AAK1: variants seen among roughly 807,000 people sequenced by gnomAD.
AAK1 encodes the protein AP2 associated kinase 1, also known as AP2-associated protein kinase 1.
In AAK1, 37 loss-of-function variants were observed where a neutral mutation model predicts 116.0. That is an observed-to-expected ratio of 0.32 (90% CI 0.25 to 0.42). The LOEUF is 0.42. Among genes scored for constraint, AAK1 ranks in the 10% least tolerant of loss-of-function variants. The pLI, the probability that AAK1 is intolerant of heterozygous loss-of-function variation, is 1.00. For missense variants in AAK1, 919 were observed against 1,170.6 expected, an observed-to-expected ratio of 0.79 and a Z score of 3.14; for synonymous variants, 458 against 439.9, an observed-to-expected ratio of 1.04 and a Z score of -0.51.
chr2:69,519,368 A>G lies in AAK1; in HGVS notation c.1211-128T>C, dbSNP rs532844045. The G allele has an allele frequency of 4.3e-5, 55 of 1,293,104 alleles. 1 individual carries two copies. In the South Asian group the frequency reaches 8.9e-4, roughly 21 times the overall value. The allele number at this position is 1,293,104 out of a possible 1,614,324, so 80.1% of individuals were successfully genotyped here. A position where few individuals can be genotyped will look rare whatever the true frequency, so the allele number is the denominator to read the frequency against. ...GTATCTCAAGATTCGTGTCCTCCTCACTGTCTTTCCACATGCTCTGTCCCA... is the reference window on the plus strand; with the variant it reads ...GTATCTCAAGATTCGTGTCCTCCTCGCTGTCTTTCCACATGCTCTGTCCCA... On this transcript the variant is annotated intron_variant, in intron 11 of 21. Transcript: ENST00000409085.
At chr2:69,573,525 T>C (rs926180374) in intron 2 of AAK1, among the ~76,000 whole-genome samples, 3 of 152,168 alleles carry the variant, frequency 2.0e-5, no homozygotes, top group African/African-American at 7.2e-5. Flanking sequence ...ATCCATAAGC[T>C]GCATCGGCAA....
At chr2:69,634,108 T>G (rs1675342759) in intron 2 of AAK1, among the ~76,000 whole-genome samples, 2 of 152,202 alleles carry the variant, frequency 1.3e-5, no homozygotes, top group African/African-American at 4.8e-5. Flanking sequence ...AGGCAGAGGT[T>G]GCAGTGAGCC....
chr2:69,566,147 A>G (rs1671857122), intron 2 of AAK1, among the ~76,000 whole-genome samples: 1 of 152,188 alleles, frequency 6.6e-6, no homozygotes, highest in African/African-American at 2.4e-5. Context: ...ACAAGGAATG[A>G]CCCCCAAGAG....
At chr2:69,613,272 C>G (rs1044210096) in intron 2 of AAK1, among the ~76,000 whole-genome samples, 1 of 152,180 alleles carries the variant, frequency 6.6e-6, no homozygotes, top group African/African-American at 2.4e-5. Flanking sequence ...TTGGTCGTTG[C>G]CCCTGATTCC....
At chr2:69,627,357 A>C (rs1205148045) in intron 2 of AAK1, among the ~76,000 whole-genome samples, 4 of 152,052 alleles carry the variant, frequency 2.6e-5, no homozygotes, top group Non-Finnish European at 4.4e-5. Flanking sequence ...GGGAGTGATA[A>C]ATAAATAATA....
At chr2:69,480,712 C>T (rs2104893564) in intron 19 of AAK1, 148 bp downstream of exon 19, 2 of 583,920 alleles carry the variant, frequency 3.4e-6, no homozygotes, top group Non-Finnish European at 2.9e-6. Flanking sequence ...ATCTAGAAGC[C>T]GGGGCTGTGA....
intron 4 of AAK1, among the ~76,000 whole-genome samples, chr2:69,543,760 A>G (rs1042005269): frequency 4.6e-5 from 7 of 152,236 alleles, no homozygotes; most frequent in Non-Finnish European, 8.8e-5. Context: ...GGGTGATTAC[A>G]AAACACAGCA....
chr2:69,487,853 G>A (rs1254464414), intron 17 of AAK1, among the ~76,000 whole-genome samples: 3 of 148,526 alleles, frequency 2.0e-5, no homozygotes, highest in African/African-American at 7.4e-5. Flanking sequence ...GCAATGGCGC[G>A]ATCTCAGCTC....
In AAK1 at chr2:69,601,050, G is replaced by C. The variant is rs192694201; in HGVS notation, c.163+41828C>G. 3.9e-5 allele frequency among the ~76,000 whole-genome samples: 6 copies of C among 152,286 alleles called. No individual in the cohort carries two copies. The East Asian group carries it at 5.8e-4, about 15-fold the overall frequency. On this transcript the variant is annotated intron_variant, in intron 2 of 21. Coordinates refer to ENST00000409085, the MANE Select transcript of AAK1 (RefSeq NM_014911.5). The stretch of plus-strand genomic sequence containing the variant: ...GTACATTTTTTAGACTTAACACTTA[G>C]TAGGCTTAAAACACTTAGTAGACTA...
chr2:69,481,046 CTTT>C, intron 18 of AAK1, 85 bp from the exon 19 acceptor site: 1 of 1,150,500 alleles, frequency 8.7e-7, no homozygotes. Flanking sequence ...AAGCTTTCTT[CTTT>C]TTTTTTAATT....
chr2:69,625,132 G>A (rs767205546), intron 2 of AAK1, among the ~76,000 whole-genome samples: 3 of 152,154 alleles, frequency 2.0e-5, no homozygotes, highest in Non-Finnish European at 4.4e-5. Flanking sequence ...TAAAACCCAC[G>A]TATCTTGATC....
rs961726661 is a variant in AAK1, at chr2:69,472,823, G to T, written c.*3046C>A. The T allele has an allele frequency of 3.0e-6, 3 of 985,472 alleles. No homozygotes were observed. Among genetic ancestry groups the T allele is most frequent in the African/African-American group, 1.7e-5 (1 of 57,236 alleles). 61.0% of individuals were successfully genotyped at this position (985,472 alleles called of 1,614,324 possible). On this transcript the variant is annotated 3_prime_UTR_variant, in exon 22 of 22. Transcript: ENST00000409085. ...TTCTGATACCATTTTATTAGAATAG[G>T]TAGGTGTGTGTCCACGCATGTGTTT...
chr2:69,504,397 C>CAAA lies in AAK1; in HGVS notation c.2269+1169_2269+1171dup, dbSNP rs57214954. Reference sequence around the variant, plus strand: ...TGGGCGACAGAATGAGACTCCATCTCAAAAAAAAAAAAAAAAAAAAAAAGA... The same window carrying CAAA: ...TGGGCGACAGAATGAGACTCCATCTCAAAAAAAAAAAAAAAAAAAAAAAAAAGA... On this transcript the variant is annotated intron_variant, in intron 16 of 21. Transcript: ENST00000409085. Among the ~76,000 whole-genome samples, 276 of 57,762 alleles carry CAAA rather than the reference C, an allele frequency of 4.8e-3. 7 individuals carry two copies. The highest frequency in any genetic ancestry group is 0.018 in the African/African-American group (256 of 14,474). 37.9% of individuals were successfully genotyped at this position (57,762 alleles called of 152,430 possible). A position where few individuals can be genotyped will look rare whatever the true frequency, so the allele number is the denominator to read the frequency against.
intron 2 of AAK1, among the ~76,000 whole-genome samples, chr2:69,560,485 C>T (rs1671587600): frequency 6.6e-6 from 1 of 152,246 alleles, no homozygotes; most frequent in African/African-American, 2.4e-5. Flanking sequence ...CTGTGTCAGT[C>T]TCTCTGCCTA....
intron 17 of AAK1, among the ~76,000 whole-genome samples, chr2:69,483,268 T>C (rs2104899664): frequency 6.6e-6 from 1 of 152,358 alleles, no homozygotes; most frequent in Middle Eastern, 3.4e-3. Flanking sequence ...AGATCTGCTT[T>C]CTGTCCCTAC....
At position 69,495,914 on chromosome 2, in the gene AAK1, G is replaced by A; in HGVS notation, c.2365+71C>T. On this transcript the variant is annotated intron_variant, in intron 17 of 21. Transcript: ENST00000409085. ...AGATCCTTTTCACGGGGTATTTAAG[G>A]CAGAACTTTCTACAAGGCCTGGGAC... 3.1e-6 allele frequency: 4 copies of A among 1,283,424 alleles called. No individual in the cohort carries two copies. The South Asian group carries it at 4.2e-5, about 13-fold the overall frequency. The allele number at this position is 1,283,424 out of a possible 1,614,324, so 79.5% of individuals were successfully genotyped here.
Position 69,608,270 on chromosome 2 carries a change from C to T in AAK1, c.163+34608G>A, listed in dbSNP as rs138593509. Among the ~76,000 whole-genome samples, 1,116 of 152,338 alleles carry T rather than the reference C, an allele frequency of 7.3e-3. 7 individuals are homozygous for T. Among genetic ancestry groups the T allele is most frequent in the South Asian group, 0.026 (124 of 4,828 alleles). On this transcript the variant is annotated intron_variant, in intron 2 of 21. Transcript: ENST00000409085. ...AGAGCCTTGAGCAGACATTCACCCA[C>T]CCAGCTCCCTGCCCAGGCCAACAGC...
At chr2:69,534,032 C>T (rs889331034) in intron 5 of AAK1, among the ~76,000 whole-genome samples, 6 of 152,074 alleles carry the variant, frequency 3.9e-5, no homozygotes, top group East Asian at 1.9e-4. Flanking sequence ...AACAAAACAA[C>T]GCTAATGTTT....
At chr2:69,507,720 T>C in intron 14 of AAK1, 142 bp from the exon 15 acceptor site, 5 of 931,830 alleles carry the variant, frequency 5.4e-6, no homozygotes, top group Non-Finnish European at 7.7e-6. Flanking sequence ...TTTTTTTTTT[T>C]TTTTGAGTCA....
Sources: allele counts gnomAD v4.1 joint callset (sites outside exome capture counted in the v4.1 genomes callset), GRCh38; gene constraint gnomAD v4.1.1; transcripts MANE v1.5; gene names NCBI Gene and HGNC (gene_info 2026-07-23, HGNC 2026-07-21).